HEATR5A: variants seen among roughly 807,000 people sequenced by gnomAD.
HEATR5A encodes the protein HEAT repeat containing 5A, also known as HEAT repeat-containing protein 5A.
A neutral mutation model predicts 218.8 loss-of-function variants in HEATR5A; 178 were observed. The ratio of observed to expected loss-of-function variants is 0.81; its 90% CI spans 0.72 to 0.92. The LOEUF (loss-of-function observed/expected upper bound fraction) is 0.92, where lower values mean the gene tolerates loss of function less well. Ranked by LOEUF, HEATR5A falls within the 40% of genes least tolerant of loss-of-function variation. HEATR5A has a pLI of 0.00. For synonymous variants in HEATR5A, 864 were observed against 871.6 expected (o/e 0.99, Z 0.15); for missense variants, 2,420 against 2,418.9 (o/e 1.00, Z -0.01).
intron 29 of HEATR5A, among the ~76,000 whole-genome samples, chr14:31,308,381 C>T (rs1286126021): frequency 6.6e-6 from 1 of 151,972 alleles, no homozygotes; most frequent in Non-Finnish European, 1.5e-5. Context: ...GTGGCGCATG[C>T]CTGTAATCCT....
chr14:31,318,286 C>G lies in HEATR5A; in HGVS notation c.3976G>C (p.Ala1326Pro). The G allele has an allele frequency of 2.5e-6, 4 of 1,613,420 alleles. No individual in the cohort carries two copies. Among genetic ancestry groups the G allele is most frequent in the Non-Finnish European group, 3.4e-6 (4 of 1,179,434 alleles). The part of the protein sequence containing the change: ...ILEQYQANVG[A>P]ALRPAFTSET... ...GAAGTGAAGGCTGGTCTAAGCGCTG[C>G]TCCTACCTGGCAAGAAATTACATGA... The change falls in exon 26 of 36, where the codon GCA becomes CCA. Residue 1326 changes from alanine to proline, a missense_variant. Ala to Pro is a conservative substitution (Grantham distance 27). Coordinates refer to ENST00000543095, the MANE Select transcript of HEATR5A (RefSeq NM_015473.4).
intron 24 of HEATR5A, 37 bp from the exon 25 acceptor site, chr14:31,321,717 T>C (rs1401343267): frequency 1.4e-6 from 2 of 1,445,330 alleles, no homozygotes; most frequent in Non-Finnish European, 1.9e-6. Context: ...GAAAAAAAGA[T>C]TAGAAAATAT....
intron 22 of HEATR5A, chr14:31,334,569 C>T: frequency 2.6e-6 from 1 of 385,402 alleles, no homozygotes; most frequent in African/African-American, 2.1e-5. Flanking sequence ...AACTAAAATG[C>T]TATCAAAAAG....
At chr14:31,310,149 C>A (rs1302538638) in intron 28 of HEATR5A, among the ~76,000 whole-genome samples, 1 of 150,932 alleles carries the variant, frequency 6.6e-6, no homozygotes, top group African/African-American at 2.4e-5. Flanking sequence ...ATAACATACG[C>A]TATTTTTTTT....
chr14:31,327,173 C>A (rs1010974557), intron 22 of HEATR5A, among the ~76,000 whole-genome samples: 3 of 151,700 alleles, frequency 2.0e-5, no homozygotes, highest in Admixed American at 1.3e-4. Flanking sequence ...CGGGGTTTCA[C>A]CATGTTGGTC....
intron 35 of HEATR5A, 74 bp from the exon 36 acceptor site, chr14:31,293,686 T>G: frequency 7.4e-7 from 1 of 1,347,202 alleles, no homozygotes; most frequent in Non-Finnish European, 1.0e-6. Flanking sequence ...GCACTTGATC[T>G]GTATACATTT....
rs1901437968 is a variant in HEATR5A at position 31,356,687 on chromosome 14, A to ATTT, written c.2411+1949_2411+1950insAAA. ...TCCTTGAATATTCATTATTATTATT[A>ATTT]TAACTTAGGTGGGGATACAAAAACT... On this transcript the variant is annotated intron_variant, in intron 16 of 35. Transcript: ENST00000543095. Among the ~76,000 whole-genome samples the ATTT allele has an allele frequency of 3.3e-5, 5 of 152,184 alleles. No individual in the cohort carries two copies. The South Asian group carries it at 8.3e-4, about 25-fold the overall frequency.
chr14:31,316,503 G>A (rs1899917470), intron 26 of HEATR5A, among the ~76,000 whole-genome samples: 1 of 152,098 alleles, frequency 6.6e-6, no homozygotes, highest in African/African-American at 2.4e-5. Context: ...GGAAATCAGT[G>A]CTAATGAGTA....
At chr14:31,371,226 G>A (rs1284860939) in intron 13 of HEATR5A, among the ~76,000 whole-genome samples, 1 of 152,160 alleles carries the variant, frequency 6.6e-6, no homozygotes, top group African/African-American at 2.4e-5. Context: ...TCCTTCAGAA[G>A]AAACAGTCAC....
At chr14:31,386,329 G>T in intron 9 of HEATR5A, 91 bp downstream of exon 9, 3 of 859,626 alleles carry the variant, frequency 3.5e-6, no homozygotes, top group South Asian at 3.8e-5. Flanking sequence ...ATCTATAATG[G>T]AATCTATAAG....
rs115359683 is a variant in HEATR5A at position 31,389,854 on chromosome 14, C to T, written c.773-849G>A. 9.2e-3 allele frequency among the ~76,000 whole-genome samples: 1,394 copies of T among 152,184 alleles called. 17 individuals carry two copies. Among genetic ancestry groups the T allele is most frequent in the African/African-American group, 0.032 (1,316 of 41,522 alleles). Reference sequence around the variant, plus strand: ...ATTATTGAATAGTGCAAAATCCATGCTCTGTGGATCATAAATTCTAAGAAA... The same window carrying T: ...ATTATTGAATAGTGCAAAATCCATGTTCTGTGGATCATAAATTCTAAGAAA... On this transcript the variant is annotated intron_variant, in intron 6 of 35. Transcript: ENST00000543095.
At chr14:31,324,879 T>C (rs369045661) in intron 23 of HEATR5A, among the ~76,000 whole-genome samples, 3 of 152,140 alleles carry the variant, frequency 2.0e-5, no homozygotes, top group African/African-American at 4.8e-5. Context: ...GTGTAAACCA[T>C]TGGAAGAGGG....
At chr14:31,314,446 G>A (rs759913498) in intron 27 of HEATR5A, among the ~76,000 whole-genome samples, 3 of 151,570 alleles carry the variant, frequency 2.0e-5, no homozygotes, top group Non-Finnish European at 2.9e-5. Context: ...TAGTAGAGAC[G>A]GGGTTTCTCC....
intron 21 of HEATR5A, chr14:31,340,507 GACAAA>G: frequency 7.8e-7 from 1 of 1,274,240 alleles, no homozygotes; most frequent in Non-Finnish European, 1.0e-6. Context: ...CACCAGTCAT[GACAAA>G]ACCAAAAGAT....
intron 20 of HEATR5A, among the ~76,000 whole-genome samples, chr14:31,344,565 A>C (rs962058010): frequency 6.7e-6 from 1 of 148,686 alleles, no homozygotes; most frequent in Admixed American, 6.6e-5. Context: ...TTACAGGTGA[A>C]AGCCACTGCG....
intron 10 of HEATR5A, among the ~76,000 whole-genome samples, chr14:31,383,266 T>G (rs2030068296): frequency 6.6e-6 from 1 of 152,190 alleles, no homozygotes; most frequent in Non-Finnish European, 1.5e-5. Flanking sequence ...GTCTACTTGA[T>G]CTTAAGATAT....
chr14:31,305,511 C>A (rs369830629), intron 31 of HEATR5A, among the ~76,000 whole-genome samples: 152 of 152,288 alleles, frequency 1.0e-3, no homozygotes, highest in African/African-American at 3.6e-3. Context: ...TATCCGCCTG[C>A]CCCGGCCTCC....
chr14:31,323,879 A>T (rs1900183441), intron 23 of HEATR5A, 75 bp from the exon 24 acceptor site: 1 of 1,005,740 alleles, frequency 9.9e-7, no homozygotes, highest in African/African-American at 1.7e-5. Flanking sequence ...GGAACAAAAA[A>T]ATGACTTCAA....
At chr14:31,323,422 A>G in intron 24 of HEATR5A, 143 bp downstream of exon 24, 1 of 510,012 alleles carries the variant, frequency 2.0e-6, no homozygotes, top group South Asian at 3.8e-5. Flanking sequence ...TCAGCCTCCC[A>G]AAGTGTTAGG....
Sources: gnomAD v4.1 joint callset for allele counts (sites outside exome capture counted in the v4.1 genomes callset) on GRCh38, gnomAD v4.1.1 for gene constraint, MANE v1.5 for transcripts, NCBI Gene and HGNC (gene_info 2026-07-23, HGNC 2026-07-21) for gene names.